The following SYNE2 variants were observed in gnomAD, a reference collection of about 807,000 sequenced individuals.
The protein encoded by SYNE2 is spectrin repeat containing nuclear envelope protein 2, also known as nesprin-2.
A neutral mutation model predicts 856.3 loss-of-function variants in SYNE2; 431 were observed. That is an observed-to-expected ratio of 0.50 (90% CI 0.47 to 0.55). SYNE2 has a LOEUF of 0.55. Ranked by LOEUF, SYNE2 falls within the 20% of genes least tolerant of loss-of-function variation. The pLI, the probability that SYNE2 is intolerant of heterozygous loss-of-function variation, is 0.00. For missense variants in SYNE2, 8,129 were observed against 8,023.2 expected (o/e 1.01, Z -0.50); for synonymous variants, 2,923 against 2,872.3 (o/e 1.02, Z -0.56).
At chr14:64,011,470 AT>A (rs1190358475) in intron 32 of SYNE2, among the ~76,000 whole-genome samples, 1 of 152,036 alleles carries the variant, frequency 6.6e-6, no homozygotes, top group Non-Finnish European at 1.5e-5. Context: ...GCCTTACCAG[AT>A]CCTCTCGGGC....
At chr14:63,998,455 ATTCTATGGTATT>A in intron 26 of SYNE2, 127 bp downstream of exon 26, 1 of 664,782 alleles carries the variant, frequency 1.5e-6, no homozygotes, top group South Asian at 1.8e-5. Context: ...TAACTTAGAA[ATTCTATGGTATT>A]TTCTCACACG....
intron 58 of SYNE2, 60 bp from the exon 59 acceptor site, chr14:64,089,512 CTG>C (rs756097148): frequency 8.1e-5 from 115 of 1,427,322 alleles, no homozygotes; most frequent in Admixed American, 2.1e-4. Context: ...TGCCAATAAA[CTG>C]TTTTATAGAT....
At chr14:64,157,633 T>C (rs2098296657) in intron 85 of SYNE2, among the ~76,000 whole-genome samples, 2 of 152,186 alleles carry the variant, frequency 1.3e-5, no homozygotes, top group Non-Finnish European at 2.9e-5. Context: ...GGCAACTCTA[T>C]TTAATTTTTT....
chr14:63,960,981 A>G, intron 8 of SYNE2: 1 of 525,796 alleles, frequency 1.9e-6, no homozygotes, highest in Non-Finnish European at 3.4e-6. Flanking sequence ...AATGCAACAC[A>G]AAGCCTGGCC....
chr14:64,223,432 C>G, intron 113 of SYNE2, 52 bp downstream of exon 113: 1 of 1,595,986 alleles, frequency 6.3e-7, no homozygotes, highest in Non-Finnish European at 8.6e-7. Context: ...TACATGCAGA[C>G]AGGACAGCAG....
intron 2 of SYNE2, among the ~76,000 whole-genome samples, chr14:63,923,978 T>C (rs1362695357): frequency 6.9e-6 from 1 of 145,322 alleles, no homozygotes; most frequent in Non-Finnish European, 1.5e-5. Flanking sequence ...TTTTGTTTTT[T>C]TTTATTTTTG....
intron 6 of SYNE2, among the ~76,000 whole-genome samples, chr14:63,946,034 A>C (rs2096020985): frequency 6.6e-6 from 1 of 152,210 alleles, no homozygotes. Context: ...TATACTCACC[A>C]GAGTTTCTTG....
chr14:63,812,647 A>G (rs1595134242), intron 1 of SYNE2, among the ~76,000 whole-genome samples: 1 of 152,244 alleles, frequency 6.6e-6, no homozygotes, highest in South Asian at 2.1e-4. Context: ...GTAAGAAATT[A>G]TAAAAGTTTT....
intron 45 of SYNE2, among the ~76,000 whole-genome samples, chr14:64,043,619 C>T (rs1392628803): frequency 2.6e-5 from 4 of 152,212 alleles, no homozygotes; most frequent in Non-Finnish European, 4.4e-5. Context: ...AGGAACAGCT[C>T]GGGCTGTGGC....
At chr14:63,974,834 ACG>A (rs1491299143) in intron 11 of SYNE2, among the ~76,000 whole-genome samples, 2 of 78,584 alleles carry the variant, frequency 2.5e-5, no homozygotes, top group Admixed American at 1.3e-4. Flanking sequence ...ATGTATATAG[ACG>A]TGTGTGTGTG....
At chr14:63,976,190 TC>T (rs1465858929) in intron 11 of SYNE2, among the ~76,000 whole-genome samples, 5 of 152,200 alleles carry the variant, frequency 3.3e-5, no homozygotes, top group Non-Finnish European at 1.5e-5. Flanking sequence ...AGATGTAGTG[TC>T]AGAGCACACA....
rs2098666404 is a variant in SYNE2 at position 64,216,348 on chromosome 14, T to G, written c.19503T>G (p.Pro6501=). ...KQMEGDRNVP[P]VPPASSTPYK... ...TGGAAGGTGACAGGAATGTTCCACC[T>G]GTTCCCCCTGCGTCCAGCACCCCTT... The change falls in exon 108 of 116, where the codon CCT becomes CCG. Residue 6501 remains proline, a synonymous_variant. Transcript: ENST00000555002. The G allele has an allele frequency of 6.2e-7, 1 of 1,614,138 alleles. No individual in the cohort carries two copies. Among genetic ancestry groups the G allele is most frequent in the Admixed American group, 1.7e-5 (1 of 60,008 alleles).
intron 77 of SYNE2, 116 bp downstream of exon 77, chr14:64,132,554 T>G: frequency 7.3e-7 from 1 of 1,366,934 alleles, no homozygotes. Context: ...AATGGAAGCC[T>G]GACAGTGAGG....
At chr14:63,996,501 A>G (rs1348339674) in intron 23 of SYNE2, among the ~76,000 whole-genome samples, 1 of 150,004 alleles carries the variant, frequency 6.7e-6, no homozygotes. Flanking sequence ...TGTGCCGTGT[A>G]CTCCAGCCCC....
rs544811509 is a variant in SYNE2, at chr14:64,173,493, G to A, written c.17236-1451G>A. On this transcript the variant is annotated intron_variant, in intron 94 of 115. Coordinates refer to ENST00000555002, the MANE Select transcript of SYNE2 (RefSeq NM_182914.3). ...CTTCAGGCTTCTCAGAAATGCCTTTGTAAATTAGTGATGCTCTGTTGATGT... is the reference window on the plus strand; with the variant it reads ...CTTCAGGCTTCTCAGAAATGCCTTTATAAATTAGTGATGCTCTGTTGATGT... Among the ~76,000 whole-genome samples, 8 of 152,244 alleles carry A rather than the reference G, an allele frequency of 5.3e-5. No homozygotes were observed. In the South Asian group the frequency reaches 1.5e-3, roughly 28 times the overall value.
At chr14:63,826,377 G>A (rs777422865) in intron 1 of SYNE2, among the ~76,000 whole-genome samples, 1 of 152,110 alleles carries the variant, frequency 6.6e-6, no homozygotes, top group Non-Finnish European at 1.5e-5. Context: ...TCAGCTCACT[G>A]CAACCTCCAC....
chr14:64,007,695 G>C (rs1005021251), intron 31 of SYNE2, among the ~76,000 whole-genome samples: 1 of 152,028 alleles, frequency 6.6e-6, no homozygotes, highest in African/African-American at 2.4e-5. Flanking sequence ...TGGCCAACAT[G>C]GTGAAACCCC....
At chr14:64,005,989 A>T (rs1409972286) in intron 30 of SYNE2, among the ~76,000 whole-genome samples, 1 of 152,234 alleles carries the variant, frequency 6.6e-6, no homozygotes, top group East Asian at 1.9e-4. Flanking sequence ...TTACCTGAAG[A>T]AGGCATCTCA....
At chr14:63,999,386 T>A (rs1438400596) in intron 27 of SYNE2, among the ~76,000 whole-genome samples, 5 of 152,270 alleles carry the variant, frequency 3.3e-5, no homozygotes, top group Non-Finnish European at 7.3e-5. Flanking sequence ...AATTTCATCC[T>A]GCTCCTGGGT....
Sources: gnomAD v4.1 joint callset for allele counts (sites outside exome capture counted in the v4.1 genomes callset) on GRCh38, gnomAD v4.1.1 for gene constraint, MANE v1.5 for transcripts, NCBI Gene and HGNC (gene_info 2026-07-23, HGNC 2026-07-21) for gene names.